EXOC3: variants seen among roughly 807,000 people sequenced by gnomAD.
The protein encoded by EXOC3 is SEC6-like 1.
A neutral mutation model predicts 73.7 loss-of-function variants in EXOC3; 21 were observed. The ratio of observed to expected loss-of-function variants is 0.29; its 90% CI spans 0.20 to 0.41. The LOEUF (loss-of-function observed/expected upper bound fraction) is 0.41, where lower values mean the gene tolerates loss of function less well. Ranked by LOEUF, EXOC3 falls within the 10% of genes least tolerant of loss-of-function variation. The pLI is 1.00. For missense variants in EXOC3, 842 were observed against 985.1 expected, an observed-to-expected ratio of 0.85 and a Z score of 1.95; for synonymous variants, 410 against 389.1, an observed-to-expected ratio of 1.05 and a Z score of -0.63.
rs961920967 is a variant in EXOC3 at position 446,205 on chromosome 5, C to T, written c.-1C>T. On this transcript the variant is annotated 5_prime_UTR_variant, in exon 2 of 13. Transcript: ENST00000512944. ...GTGAGGATTCCACCAGCTTTTTCAC[C>T]ATGAAGGAGACAGACCGGGAGGCCG... 1 of 1,613,960 alleles carries T rather than the reference C, an allele frequency of 6.2e-7. No homozygotes were observed. Among genetic ancestry groups the T allele is most frequent in the African/African-American group, 1.3e-5 (1 of 75,054 alleles).
rs1246006187 is a variant in EXOC3, at chr5:465,262, A to C, written c.1928A>C (p.Lys643Thr). Residue 643 changes from lysine (K) to threonine (T), a missense_variant, in exon 11 of 13, where the codon AAG (lysine) becomes ACG (threonine). Transcript: ENST00000512944. Reference protein sequence around the residue: ...EAEQLRFLFRKLASGFGEDVD... With the variant: ...EAEQLRFLFRTLASGFGEDVD... Reference sequence around the variant, plus strand: ...GAGCAGCTGCGCTTCCTGTTCCGGAAGCTGGCGTCCGTGAGTGTCGCGCAG... The same window carrying C: ...GAGCAGCTGCGCTTCCTGTTCCGGACGCTGGCGTCCGTGAGTGTCGCGCAG... The C allele has an allele frequency of 2.5e-6, 4 of 1,584,174 alleles. No homozygotes were observed. The highest frequency in any genetic ancestry group is 3.4e-6 in the Non-Finnish European group (4 of 1,165,934).
At position 453,530 on chromosome 5, in the gene EXOC3, C is replaced by T; in HGVS notation, c.525C>T (p.Gly175=). ...GNTRDMTLIH[G]YFGSTQGLSD... ...CGCGTGACATGACCCTCATCCATGG[C>T]TACTTTGGCAGCACGCAGGGGCTCT... Residue 175 remains glycine (G), a synonymous_variant, in exon 4 of 13, where the codon GGC becomes GGT. Coordinates refer to ENST00000512944, the MANE Select transcript of EXOC3 (RefSeq NM_007277.5). 1 of 1,614,004 alleles carries T rather than the reference C, an allele frequency of 6.2e-7. No individual in the cohort carries two copies. Among genetic ancestry groups the T allele is most frequent in the African/African-American group, 1.3e-5 (1 of 75,042 alleles).
intron 3 of EXOC3, among the ~76,000 whole-genome samples, chr5:451,005 T>G (rs567480950): frequency 6.6e-6 from 1 of 152,204 alleles, no homozygotes; most frequent in African/African-American, 2.4e-5. Context: ...GATTGAAGAT[T>G]TTAATTAATT....
chr5:459,531 T>A, intron 7 of EXOC3, 72 bp downstream of exon 7: 1 of 733,314 alleles, frequency 1.4e-6, no homozygotes, highest in Non-Finnish European at 2.3e-6. Context: ...AATTTTTTGA[T>A]CCTACTATGC....
At chr5:446,779 C>A (rs1238685248) in intron 2 of EXOC3, among the ~76,000 whole-genome samples, 1 of 152,028 alleles carries the variant, frequency 6.6e-6, no homozygotes, top group Admixed American at 6.6e-5. Flanking sequence ...ATCGCTTGAA[C>A]CCAGGAGGCA....
At position 465,706 on chromosome 5, in the gene EXOC3, G is replaced by T. The variant is rs1412072729; in HGVS notation, c.1939-12G>T. ...GCCGAGGGCGGCTCCTCACATTGCTGCTGCCTTCCAGGGTTTCGGGGAAGA... is the reference window on the plus strand; with the variant it reads ...GCCGAGGGCGGCTCCTCACATTGCTTCTGCCTTCCAGGGTTTCGGGGAAGA... On this transcript the variant is annotated splice_polypyrimidine_tract_variant and intron_variant, in intron 11 of 12. Transcript: ENST00000512944. 1 of 1,613,670 alleles carries T rather than the reference G, an allele frequency of 6.2e-7. No homozygotes were observed. The highest frequency in any genetic ancestry group is 2.2e-5 in the East Asian group (1 of 44,888).
At chr5:452,375 T>TCGGTTTCCTTTTGGATTTTCTGTC in intron 3 of EXOC3, among the ~76,000 whole-genome samples, 2 of 152,256 alleles carry the variant, frequency 1.3e-5, no homozygotes, top group Non-Finnish European at 2.9e-5. Flanking sequence ...TATTTTCTGT[T>TCGGTTTCCTTTTGGATTTTCTGTC]TGGTTTCCTT....
At chr5:454,948 G>A (rs746608646) in intron 4 of EXOC3, among the ~76,000 whole-genome samples, 18 of 140,068 alleles carry the variant, frequency 1.3e-4, no homozygotes, top group Non-Finnish European at 2.4e-4. Flanking sequence ...TAGAGAATTT[G>A]CATTTCAATA....
Position 467,036 on chromosome 5 carries a change from C to T in EXOC3, c.*138C>T, listed in dbSNP as rs1738173387. The T allele has an allele frequency of 2.2e-6, 2 of 893,998 alleles. No homozygotes were observed. The highest frequency in any genetic ancestry group is 5.4e-5 in the Admixed American group (2 of 37,288). 55.4% of individuals were successfully genotyped at this position (893,998 alleles called of 1,614,324 possible). A position where few individuals can be genotyped will look rare whatever the true frequency, so the allele number is the denominator to read the frequency against. ...TGTCTTTAGGTGCCAGTGTGATGCACCGGGTGTGCGTCGAGTGAGCGTCCC... is the reference window on the plus strand; with the variant it reads ...TGTCTTTAGGTGCCAGTGTGATGCATCGGGTGTGCGTCGAGTGAGCGTCCC... On this transcript the variant is annotated 3_prime_UTR_variant, in exon 13 of 13. Coordinates refer to ENST00000512944, the MANE Select transcript of EXOC3 (RefSeq NM_007277.5).
At position 465,776 on chromosome 5, in the gene EXOC3, T is replaced by G; in HGVS notation, c.1997T>G (p.Ile666Ser). 1 of 1,613,812 alleles carries G rather than the reference T, an allele frequency of 6.2e-7. No individual in the cohort carries two copies. The highest frequency in any genetic ancestry group is 8.5e-7 in the Non-Finnish European group (1 of 1,179,838). ...CDTIVAVAEV[I>S]KLTDPSLLYL... ...ACCATCGTGGCTGTGGCCGAAGTGA[T>G]CAAGCTGACAGACCCTTCTCTGCTC... is the stretch of plus-strand genomic sequence containing the variant. The change falls in exon 12 of 13, where the codon ATC becomes AGC. Residue 666 changes from isoleucine (I) to serine (S), a missense_variant. By Grantham distance (142) the Ile-to-Ser change is moderately radical. Coordinates refer to ENST00000512944, the MANE Select transcript of EXOC3 (RefSeq NM_007277.5).
chr5:444,063 G>C (rs541697118), intron 1 of EXOC3, among the ~76,000 whole-genome samples: 1 of 152,070 alleles, frequency 6.6e-6, no homozygotes, highest in Non-Finnish European at 1.5e-5. Flanking sequence ...GTGTCTGCCC[G>C]GCAGAGGTGT....
Position 453,975 on chromosome 5 carries a change from C to G in EXOC3, c.970C>G (p.Gln324Glu). The G allele has an allele frequency of 6.2e-7, 1 of 1,613,900 alleles. No homozygotes were observed. Among genetic ancestry groups the G allele is most frequent in the Non-Finnish European group, 8.5e-7 (1 of 1,179,832 alleles). Reference protein sequence around the residue: ...MYHQALSTRMQDLASEDLEAN... With the variant: ...MYHQALSTRMEDLASEDLEAN... ...CCACCAAGCCCTGAGCACGCGGATG[C>G]AGGACCTCGCATCGGAAGACCTGGA... The change falls in exon 4 of 13, where the codon CAG becomes GAG. Residue 324 changes from glutamine (Q) to glutamate (E), a missense_variant. Transcript: ENST00000512944.
intron 9 of EXOC3, among the ~76,000 whole-genome samples, chr5:463,484 G>A (rs184764008): frequency 6.6e-6 from 1 of 152,354 alleles, no homozygotes; most frequent in East Asian, 1.9e-4. Context: ...GATGGCAGGA[G>A]CCGGAGACGT....
chr5:462,113 G>A (rs757582135), intron 8 of EXOC3, 43 bp downstream of exon 8: 39 of 1,604,014 alleles, frequency 2.4e-5, no homozygotes, highest in East Asian at 1.6e-4. Context: ...GGTGGAGGCC[G>A]GCCTGCCCAG....
chr5:450,182 G>C (rs1368897395), intron 3 of EXOC3, among the ~76,000 whole-genome samples: 1 of 152,216 alleles, frequency 6.6e-6, no homozygotes, highest in Admixed American at 6.5e-5. Flanking sequence ...GGAGGCAGAG[G>C]TCACAGTGAG....
Position 466,940 on chromosome 5 carries a change from C to T in EXOC3, c.*42C>T, listed in dbSNP as rs1400943888. On this transcript the variant is annotated 3_prime_UTR_variant, in exon 13 of 13. Transcript: ENST00000512944. ...CTGCTCGCCCCTCCACAGCCTCGGTCCCTGCCTTTAGAAACGCGGGACAGC... is the reference window on the plus strand; with the variant it reads ...CTGCTCGCCCCTCCACAGCCTCGGTTCCTGCCTTTAGAAACGCGGGACAGC... The T allele has an allele frequency of 6.5e-7, 1 of 1,540,842 alleles. No homozygotes were observed. The highest frequency in any genetic ancestry group is 8.8e-7 in the Non-Finnish European group (1 of 1,139,018).
intron 10 of EXOC3, 198 bp downstream of exon 10, chr5:464,610 G>A: frequency 1.8e-6 from 1 of 547,574 alleles, no homozygotes; most frequent in Non-Finnish European, 3.2e-6. Context: ...GGGCCCTGTG[G>A]CATGGCCCTC....
Position 466,940 on chromosome 5 carries a change from C to G in EXOC3, c.*42C>G. 1 of 1,540,842 alleles carries G rather than the reference C, an allele frequency of 6.5e-7. No homozygotes were observed. ...CTGCTCGCCCCTCCACAGCCTCGGT[C>G]CCTGCCTTTAGAAACGCGGGACAGC... On this transcript the variant is annotated 3_prime_UTR_variant, in exon 13 of 13. Coordinates refer to ENST00000512944, the MANE Select transcript of EXOC3 (RefSeq NM_007277.5).
At chr5:449,605 A>G (rs957268280) in intron 3 of EXOC3, among the ~76,000 whole-genome samples, 3 of 152,192 alleles carry the variant, frequency 2.0e-5, no homozygotes, top group East Asian at 1.9e-4. Flanking sequence ...GGGGTCTTCT[A>G]TGCTGTGGTA....
Sources: allele counts gnomAD v4.1 joint callset (sites outside exome capture counted in the v4.1 genomes callset), GRCh38; gene constraint gnomAD v4.1.1; transcripts MANE v1.5; gene names NCBI Gene and HGNC (gene_info 2026-07-23, HGNC 2026-07-21).